TRPC7: variants seen among roughly 807,000 people sequenced by gnomAD.
TRPC7 encodes short transient receptor potential channel 7.
A neutral mutation model predicts 90.1 loss-of-function variants in TRPC7; 42 were observed. That is an observed-to-expected ratio of 0.47 (90% CI 0.36 to 0.60). The LOEUF (loss-of-function observed/expected upper bound fraction) is 0.60. Ranked by LOEUF, TRPC7 falls within the 20% of genes least tolerant of loss-of-function variation. TRPC7 has a pLI of 0.00. For synonymous variants in TRPC7, 451 were observed against 436.3 expected (o/e 1.03, Z -0.42); for missense variants, 955 against 1,112.3 (o/e 0.86, Z 2.01).
Position 136,219,799 on chromosome 5 carries a change from C to T in TRPC7, c.2344-3524G>A, listed in dbSNP as rs144989229. ...AAAAAACTTCATGTCCTCATAGAGA[C>T]CTAACTTCCCTTCTGTTATGTGCAT... On this transcript the variant is annotated intron_variant, in intron 10 of 11. Transcript: ENST00000513104. 4.6e-5 allele frequency among the ~76,000 whole-genome samples: 7 copies of T among 152,296 alleles called. No homozygotes were observed. The East Asian group carries it at 1.3e-3, about 29-fold the overall frequency.
chr5:136,332,368 T>C (rs1759529451), intron 2 of TRPC7, among the ~76,000 whole-genome samples: 1 of 152,086 alleles, frequency 6.6e-6, no homozygotes, highest in South Asian at 2.1e-4. Context: ...CTGTGACGAC[T>C]GCAGCTTTTC....
intron 10 of TRPC7, among the ~76,000 whole-genome samples, chr5:136,218,814 T>C (rs1755358855): frequency 6.6e-6 from 1 of 152,100 alleles, no homozygotes; most frequent in African/African-American, 2.4e-5. Flanking sequence ...TAGACCAGGA[T>C]TGTGTCAGCC....
At chr5:136,274,059 C>A (rs1425443985) in intron 4 of TRPC7, among the ~76,000 whole-genome samples, 1 of 152,180 alleles carries the variant, frequency 6.6e-6, no homozygotes, top group African/African-American at 2.4e-5. Context: ...TTTCCTTTGC[C>A]TTTTTCCTTC....
At chr5:136,273,873 C>T (rs1040402489) in intron 4 of TRPC7, among the ~76,000 whole-genome samples, 1 of 152,200 alleles carries the variant, frequency 6.6e-6, no homozygotes, top group Non-Finnish European at 1.5e-5. Context: ...ACTGACTCTT[C>T]CCCGAAGCTG....
chr5:136,355,876 C>T lies in TRPC7; in HGVS notation c.780+732G>A, dbSNP rs553768210. 1.2e-4 allele frequency among the ~76,000 whole-genome samples: 18 copies of T among 152,316 alleles called. No homozygotes were observed. The South Asian group carries it at 3.5e-3, about 30-fold the overall frequency. ...TTCATACTTTAGGGCCCAGTTGTCTCTTTCAGGTGGAATGTCTGTTGACAA... is the reference window on the plus strand; with the variant it reads ...TTCATACTTTAGGGCCCAGTTGTCTTTTTCAGGTGGAATGTCTGTTGACAA... On this transcript the variant is annotated intron_variant, in intron 2 of 11. Coordinates refer to ENST00000513104, the MANE Select transcript of TRPC7 (RefSeq NM_020389.3).
intron 3 of TRPC7, among the ~76,000 whole-genome samples, chr5:136,299,168 G>A (rs6860045): frequency 0.19 from 28,351 of 151,934 alleles, 4,268 homozygotes; most frequent in African/African-American, 0.41. Flanking sequence ...GGGCGTGCTA[G>A]TGCATGCCTG....
chr5:136,239,975 C>G (rs1056613390), intron 7 of TRPC7, among the ~76,000 whole-genome samples: 2 of 152,226 alleles, frequency 1.3e-5, no homozygotes, highest in African/African-American at 4.8e-5. Flanking sequence ...ACCCACCCTT[C>G]ATGCAGTTGC....
intron 3 of TRPC7, among the ~76,000 whole-genome samples, chr5:136,289,453 C>T (rs994967805): frequency 1.1e-4 from 16 of 152,224 alleles, no homozygotes; most frequent in Non-Finnish European, 2.1e-4. Flanking sequence ...CCTAATACTG[C>T]GCTCTTCCAA....
chr5:136,325,312 T>G (rs946001563), intron 2 of TRPC7, among the ~76,000 whole-genome samples: 1 of 152,190 alleles, frequency 6.6e-6, no homozygotes, highest in African/African-American at 2.4e-5. Flanking sequence ...ATTGTGCCAC[T>G]GATATCGACA....
intron 2 of TRPC7, among the ~76,000 whole-genome samples, chr5:136,344,245 G>T (rs62387364): frequency 2.0e-5 from 3 of 152,158 alleles, no homozygotes; most frequent in Middle Eastern, 3.4e-3. Flanking sequence ...CACAAAGAAG[G>T]GAACAACAGA....
chr5:136,229,786 T>G (rs1755758770), intron 8 of TRPC7, among the ~76,000 whole-genome samples: 1 of 152,238 alleles, frequency 6.6e-6, no homozygotes, highest in Non-Finnish European at 1.5e-5. Flanking sequence ...AAGAAGTATA[T>G]AAACAATTGT....
chr5:136,312,778 G>A (rs902221077), intron 3 of TRPC7, among the ~76,000 whole-genome samples: 2 of 152,128 alleles, frequency 1.3e-5, no homozygotes, highest in Non-Finnish European at 2.9e-5. Flanking sequence ...ATTCATATGA[G>A]AGACATGATC....
At chr5:136,264,641 G>A (rs1756964988) in intron 5 of TRPC7, among the ~76,000 whole-genome samples, 1 of 151,756 alleles carries the variant, frequency 6.6e-6, no homozygotes, top group Non-Finnish European at 1.5e-5. Context: ...CGCCCAGGCT[G>A]GAGTGCGGTG....
intron 3 of TRPC7, among the ~76,000 whole-genome samples, chr5:136,312,405 A>T (rs966499240): frequency 6.6e-6 from 1 of 152,204 alleles, no homozygotes; most frequent in Non-Finnish European, 1.5e-5. Flanking sequence ...AATGACAGCA[A>T]TGATGCTTCC....
rs1182723528 is a variant in TRPC7, at chr5:136,281,078, C to T, written c.964-6241G>A. On this transcript the variant is annotated intron_variant, in intron 3 of 11. Coordinates refer to ENST00000513104, the MANE Select transcript of TRPC7 (RefSeq NM_020389.3). ...AAAATCAGACCGAAACACCAAAGCA[C>T]AAGGGATTATGGTGATTTTTCCATT... 2.3e-4 allele frequency among the ~76,000 whole-genome samples: 35 copies of T among 152,168 alleles called. 1 individual carries two copies.
chr5:136,304,690 G>A (rs980542738), intron 3 of TRPC7, among the ~76,000 whole-genome samples: 1 of 152,140 alleles, frequency 6.6e-6, no homozygotes, highest in Admixed American at 6.5e-5. Flanking sequence ...TTCACAGACA[G>A]CCCCCATTAC....
chr5:136,231,525 CAA>C lies in TRPC7; in HGVS notation c.1867_1868del (p.Leu623ValfsTer9). On this transcript the variant is annotated frameshift_variant, in exon 8 of 12. Coordinates refer to ENST00000513104, the MANE Select transcript of TRPC7 (RefSeq NM_020389.3). LOFTEE classifies it high-confidence loss of function. ...CAGATAAGCCGAATATGGACCAAAA[CAA>C]AGTTTTAAAACTTTCTTCAACCCTG... is the stretch of plus-strand genomic sequence containing the variant. Reference protein sequence around the residue: ...FTTVEESFKTLFWSIFGLSEV... With the variant: ...FTTVEESFKTXFWSIFGLSEV... 6.2e-7 allele frequency: 1 copy of C among 1,603,696 alleles called. No individual in the cohort carries two copies. The highest frequency in any genetic ancestry group is 8.5e-7 in the Non-Finnish European group (1 of 1,172,874).
intron 2 of TRPC7, among the ~76,000 whole-genome samples, chr5:136,352,051 C>G (rs1160014095): frequency 6.6e-6 from 1 of 152,126 alleles, no homozygotes; most frequent in East Asian, 1.9e-4. Flanking sequence ...ACAGGAAGAG[C>G]CTTCTTAGTT....
At chr5:136,301,672 T>A (rs1758395536) in intron 3 of TRPC7, among the ~76,000 whole-genome samples, 2 of 152,200 alleles carry the variant, frequency 1.3e-5, no homozygotes, top group Admixed American at 6.5e-5. Context: ...AACATTGCTC[T>A]TAACTTCACC....
Sources: gnomAD v4.1 joint callset for allele counts (sites outside exome capture counted in the v4.1 genomes callset) on GRCh38, gnomAD v4.1.1 for gene constraint, MANE v1.5 for transcripts, NCBI Gene and HGNC (gene_info 2026-07-23, HGNC 2026-07-21) for gene names.